Variants in COQ8A observed in about 807,000 individuals in gnomAD.
COQ8A encodes the protein atypical kinase COQ8A, mitochondrial.
In COQ8A, 51 loss-of-function variants were observed where a neutral mutation model predicts 65.0. The observed-to-expected ratio is 0.78, with a 90% confidence interval of 0.63 to 0.99. COQ8A has a LOEUF of 0.99. Ranked by LOEUF, COQ8A falls within the 50% of genes least tolerant of loss-of-function variation. The pLI is 0.00. For synonymous variants in COQ8A, 371 were observed against 353.2 expected (o/e 1.05, Z -0.57); for missense variants, 940 against 875.0 (o/e 1.07, Z -0.94).
chr1:226,955,484 G>A (rs1309079447), intron 1 of COQ8A, among the ~76,000 whole-genome samples: 1 of 90,336 alleles, frequency 1.1e-5, no homozygotes, highest in African/African-American at 4.5e-5. Flanking sequence ...CTCCCTGGCT[G>A]CCACTCTCTC....
chr1:226,960,078 T>TTGG (rs1189308765), intron 1 of COQ8A, among the ~76,000 whole-genome samples: 6 of 145,376 alleles, frequency 4.1e-5, no homozygotes. Context: ...GTGGTGGTAC[T>TTGG]TGGTGGTGGT....
Position 226,986,441 on chromosome 1 carries a change from C to G in COQ8A, c.1660-12C>G. ...TGTCTCGCCGCCATTTATCCTTCCT[C>G]TCTTGCCCCAGGTCATGGAAGACGC... On this transcript the variant is annotated splice_polypyrimidine_tract_variant and intron_variant, in intron 14 of 14. Coordinates refer to ENST00000366777, the MANE Select transcript of COQ8A (RefSeq NM_020247.5). The G allele has an allele frequency of 6.2e-7, 1 of 1,611,182 alleles. No individual in the cohort carries two copies. Among genetic ancestry groups the G allele is most frequent in the Non-Finnish European group, 8.5e-7 (1 of 1,179,912 alleles).
chr1:226,952,576 G>A (rs1416386911), intron 1 of COQ8A, among the ~76,000 whole-genome samples: 2 of 151,944 alleles, frequency 1.3e-5, no homozygotes, highest in Admixed American at 6.6e-5. Context: ...ACCACGCCTG[G>A]CTAATTTTTT....
At chr1:226,985,185 T>C in intron 13 of COQ8A, 69 bp from the exon 14 acceptor site, 1 of 1,548,264 alleles carries the variant, frequency 6.5e-7, no homozygotes, top group Non-Finnish European at 8.9e-7. Flanking sequence ...GTGTGGCACT[T>C]GGCTCCCTGG....
intron 4 of COQ8A, among the ~76,000 whole-genome samples, chr1:226,976,525 C>T (rs1204145200): frequency 6.6e-6 from 1 of 152,130 alleles, no homozygotes; most frequent in East Asian, 1.9e-4. Flanking sequence ...GCCCTGCCGG[C>T]CATGGTCACC....
At position 226,940,412 on chromosome 1, in the gene COQ8A, C is replaced by T. The variant is rs1297424541; in HGVS notation, c.-10+13C>T. 1 of 152,318 alleles carries T rather than the reference C, an allele frequency of 6.6e-6. No homozygotes were observed. Among genetic ancestry groups the T allele is most frequent in the Admixed American group, 6.5e-5 (1 of 15,292 alleles). The allele number at this position is 152,318 out of a possible 1,614,324, so 9.4% of individuals were successfully genotyped here. On this transcript the variant is annotated intron_variant, in intron 1 of 14. Transcript: ENST00000366777. ...TTCCTGCAGCCAGGTAAGGCTGCCA[C>T]CCGCCGGCCCGCCGCGTGCCCAGGC...
At chr1:226,948,828 A>AGC (rs1657199709) in intron 1 of COQ8A, among the ~76,000 whole-genome samples, 1 of 152,234 alleles carries the variant, frequency 6.6e-6, no homozygotes, top group Non-Finnish European at 1.5e-5. Context: ...AAGTTAGATC[A>AGC]GCTGTCAGGA....
At chr1:226,955,971 C>T (rs1657712085) in intron 1 of COQ8A, among the ~76,000 whole-genome samples, 1 of 142,194 alleles carries the variant, frequency 7.0e-6, no homozygotes, top group Non-Finnish European at 1.5e-5. Context: ...CTGATTCACA[C>T]TCTCCCTGGC....
At chr1:226,983,072 G>A (rs752392869) in intron 8 of COQ8A, 38 bp downstream of exon 8, 1 of 1,557,678 alleles carries the variant, frequency 6.4e-7, no homozygotes, top group Non-Finnish European at 8.7e-7. Context: ...CCCTATGGGG[G>A]CTGCAAGGGG....
chr1:226,954,314 G>A (rs934094962), intron 1 of COQ8A, among the ~76,000 whole-genome samples: 2 of 152,266 alleles, frequency 1.3e-5, no homozygotes, highest in African/African-American at 4.8e-5. Flanking sequence ...GTTTCAGGGG[G>A]AGACTCTTAG....
Position 226,984,535 on chromosome 1 carries a change from G to GCGCT in COQ8A, c.1399-12_1399-9dup. On this transcript the variant is annotated splice_polypyrimidine_tract_variant and intron_variant, in intron 11 of 14. Coordinates refer to ENST00000366777, the MANE Select transcript of COQ8A (RefSeq NM_020247.5). The stretch of plus-strand genomic sequence containing the variant: ...TGGTGCTGCCTGACACAGACCCTTC[G>GCGCT]CGCTGTCCACAGATCTGCTACAACA... 3 of 1,605,090 alleles carry GCGCT rather than the reference G, an allele frequency of 1.9e-6. No individual in the cohort carries two copies. The highest frequency in any genetic ancestry group is 2.2e-5 in the East Asian group (1 of 44,850).
intron 8 of COQ8A, chr1:226,983,280 A>G (rs2148129049): frequency 3.0e-6 from 2 of 677,842 alleles, no homozygotes; most frequent in East Asian, 5.4e-5. Flanking sequence ...GGGCAAGGAC[A>G]GGGGACAAGT....
chr1:226,983,661 G>T, intron 9 of COQ8A, 28 bp downstream of exon 9: 1 of 1,613,208 alleles, frequency 6.2e-7, no homozygotes, highest in Admixed American at 1.7e-5. Flanking sequence ...TGGGTCAAGG[G>T]CAGGAGTGGG....
chr1:226,968,588 T>G (rs1283540803), intron 4 of COQ8A, among the ~76,000 whole-genome samples: 1 of 152,136 alleles, frequency 6.6e-6, no homozygotes, highest in African/African-American at 2.4e-5. Flanking sequence ...GGAGGAAAGG[T>G]GTTTTTCAGG....
intron 5 of COQ8A, among the ~76,000 whole-genome samples, chr1:226,979,435 G>T (rs1011852751): frequency 6.6e-6 from 1 of 152,186 alleles, no homozygotes; most frequent in African/African-American, 2.4e-5. Context: ...GTGGGGCCTG[G>T]GGTGTGGAGA....
rs951990338 is a variant in COQ8A, at chr1:226,946,236, A to G, written c.-10+5837A>G. Among the ~76,000 whole-genome samples, 10 of 152,156 alleles carry G rather than the reference A, an allele frequency of 6.6e-5. No homozygotes were observed. The highest frequency in any genetic ancestry group is 2.2e-4 in the African/African-American group (9 of 41,436). On this transcript the variant is annotated intron_variant, in intron 1 of 14. Coordinates refer to ENST00000366777, the MANE Select transcript of COQ8A (RefSeq NM_020247.5). The surrounding 1 kb of genome is among the most constrained non-coding windows in gnomAD (Gnocchi z 5.3). ...GAGTCATACAGGGCATGGCGAGGTG[A>G]CCTTAGGCCATTAAGAGATGAGGGA... is the stretch of plus-strand genomic sequence containing the variant.
intron 5 of COQ8A, among the ~76,000 whole-genome samples, chr1:226,979,020 G>A (rs1053138360): frequency 3.3e-5 from 5 of 152,228 alleles, no homozygotes; most frequent in East Asian, 3.9e-4. Context: ...TCTGGAAGTC[G>A]CTGGTCTGGC....
At chr1:226,965,514 T>G in intron 3 of COQ8A, 104 bp downstream of exon 3, 1 of 1,528,298 alleles carries the variant, frequency 6.5e-7, no homozygotes, top group Non-Finnish European at 8.9e-7. Flanking sequence ...TGGTCTGGGG[T>G]TTTTAGGAGC....
chr1:226,944,680 G>A (rs1280600126), intron 1 of COQ8A, among the ~76,000 whole-genome samples: 2 of 139,696 alleles, frequency 1.4e-5, no homozygotes, highest in East Asian at 4.7e-4. Context: ...CATCCTTTGA[G>A]GAGTTGTACC....
Sources: gnomAD v4.1 joint callset for allele counts (sites outside exome capture counted in the v4.1 genomes callset) on GRCh38, gnomAD v4.1.1 for gene constraint, Gnocchi (gnomAD v3.1) non-coding constraint, MANE v1.5 for transcripts, NCBI Gene and HGNC (gene_info 2026-07-23, HGNC 2026-07-21) for gene names.